The following MTSS1 variants were observed in gnomAD, a reference collection of about 807,000 sequenced individuals.
The protein encoded by MTSS1 is protein MTSS 1.
Under a neutral mutation model 79.0 loss-of-function variants are expected in MTSS1, and 18 were observed. The ratio of observed to expected loss-of-function variants is 0.23; its 90% CI spans 0.16 to 0.34. MTSS1 has a LOEUF of 0.34. Among genes scored for constraint, MTSS1 ranks in the 10% least tolerant of loss-of-function variants. The probability of loss-of-function intolerance (pLI) is 1.00; values close to 1 mark genes in which losing one functional copy is unlikely to be tolerated. For missense variants in MTSS1, 815 were observed against 986.2 expected (o/e 0.83, Z 2.33); for synonymous variants, 341 against 368.6 (o/e 0.93, Z 0.86).
chr8:124,616,449 T>C (rs1446090570), intron 3 of MTSS1, among the ~76,000 whole-genome samples: 1 of 150,418 alleles, frequency 6.6e-6, no homozygotes, highest in Non-Finnish European at 1.5e-5. Context: ...TGTTCCGACA[T>C]CCTGCCCATG....
chr8:124,717,178 G>A lies in MTSS1; in HGVS notation c.72+10706C>T, dbSNP rs114974574. On this transcript the variant is annotated intron_variant, in intron 1 of 13. Transcript: ENST00000518547. ...TAACGCCACCTCCTCTGCGAGGCCC[G>A]CCCCTAACCACTCTACTTAAAAACA... is the stretch of plus-strand genomic sequence containing the variant. 4.2e-3 allele frequency among the ~76,000 whole-genome samples: 644 copies of A among 152,094 alleles called. 4 individuals are homozygous for A. Among genetic ancestry groups the A allele is most frequent in the African/African-American group, 0.014 (587 of 41,496 alleles).
chr8:124,573,616 C>T (rs1335157793), intron 6 of MTSS1, among the ~76,000 whole-genome samples: 2 of 152,234 alleles, frequency 1.3e-5, no homozygotes, highest in Non-Finnish European at 2.9e-5. Context: ...CAAGTTTGCT[C>T]ACTGGCCTCA....
At chr8:124,580,655 G>A in intron 6 of MTSS1, 2 of 1,437,136 alleles carry the variant, frequency 1.4e-6, no homozygotes, top group Non-Finnish European at 1.9e-6. Flanking sequence ...AGCAGCAGCA[G>A]TCTTACCTTT....
At chr8:124,578,155 G>C in intron 6 of MTSS1, among the ~76,000 whole-genome samples, 1 of 152,274 alleles carries the variant, frequency 6.6e-6, no homozygotes, top group East Asian at 1.9e-4. Context: ...AGGTCAGTGT[G>C]GGGTGGGGAG....
At chr8:124,557,372 C>T (rs990208669) in intron 11 of MTSS1, among the ~76,000 whole-genome samples, 7 of 152,334 alleles carry the variant, frequency 4.6e-5, no homozygotes, top group African/African-American at 1.7e-4. Flanking sequence ...TGATGCAAAA[C>T]TGGGCCTTTG....
At chr8:124,556,041 G>A (rs1160936296) in intron 12 of MTSS1, 137 bp from the exon 13 acceptor site, 2 of 1,540,822 alleles carry the variant, frequency 1.3e-6, no homozygotes, top group African/African-American at 2.7e-5. Flanking sequence ...TCTGACCCTA[G>A]AAAGTTCTGC....
In MTSS1 at chr8:124,553,478, G is replaced by C; in HGVS notation, c.1782C>G (p.Ser594=). Residue 594 remains serine, a synonymous_variant, in exon 14 of 14, where the codon TCC becomes TCG. Coordinates refer to ENST00000518547, the MANE Select transcript of MTSS1 (RefSeq NM_014751.6). The surrounding 1 kb of genome is among the most constrained non-coding windows in gnomAD (Gnocchi z 6.0). ...TTCCCCGGCGGACAGAAGGCTTGGT[G>C]GAAGGGGTCCGTCGGATAGTTGCAA... The part of the protein sequence containing the change: ...PGVATIRRTP[S]TKPSVRRGTI... The C allele has an allele frequency of 6.2e-7, 1 of 1,611,080 alleles. No homozygotes were observed. Among genetic ancestry groups the C allele is most frequent in the Non-Finnish European group, 8.5e-7 (1 of 1,177,684 alleles).
intron 3 of MTSS1, among the ~76,000 whole-genome samples, chr8:124,628,739 CT>C (rs1341021619): frequency 6.6e-6 from 1 of 152,184 alleles, no homozygotes; most frequent in African/African-American, 2.4e-5. Context: ...CAAGAAGTAC[CT>C]TGTGTAATTT....
At chr8:124,598,526 C>G (rs903673045) in intron 3 of MTSS1, among the ~76,000 whole-genome samples, 1 of 152,150 alleles carries the variant, frequency 6.6e-6, no homozygotes, top group Non-Finnish European at 1.5e-5. Context: ...GGGAAGCCAC[C>G]TGACATGCTC....
intron 2 of MTSS1, among the ~76,000 whole-genome samples, chr8:124,702,718 A>AT (rs1829877719): frequency 6.6e-6 from 1 of 152,108 alleles, no homozygotes; most frequent in Admixed American, 6.5e-5. Flanking sequence ...TTTATCCTGG[A>AT]AAACCCCTGC....
intron 3 of MTSS1, among the ~76,000 whole-genome samples, chr8:124,677,784 C>G (rs1390481892): frequency 1.3e-5 from 2 of 152,146 alleles, no homozygotes; most frequent in Non-Finnish European, 2.9e-5. Context: ...AAAATACCTA[C>G]CCCTGTTCTG....
At chr8:124,716,985 G>A (rs1203892216) in intron 1 of MTSS1, among the ~76,000 whole-genome samples, 1 of 150,106 alleles carries the variant, frequency 6.7e-6, no homozygotes, top group South Asian at 2.1e-4. Context: ...ACTTGTTGTA[G>A]GGTTGCTTAT....
At chr8:124,620,498 A>G (rs1813288247) in intron 3 of MTSS1, among the ~76,000 whole-genome samples, 1 of 152,094 alleles carries the variant, frequency 6.6e-6, no homozygotes, top group South Asian at 2.1e-4. Flanking sequence ...TGCATTGGAC[A>G]CTCCAAATAT....
At chr8:124,694,619 A>G (rs937987956) in intron 3 of MTSS1, among the ~76,000 whole-genome samples, 5 of 152,124 alleles carry the variant, frequency 3.3e-5, no homozygotes, top group Non-Finnish European at 5.9e-5. Context: ...TTCTCACCAC[A>G]GCCTATGTGG....
chr8:124,699,470 G>T, intron 3 of MTSS1, 56 bp downstream of exon 3: 6 of 1,503,028 alleles, frequency 4.0e-6, no homozygotes, highest in Non-Finnish European at 5.6e-6. Flanking sequence ...CACCCAAGGG[G>T]AAGAGTCCAC....
At chr8:124,630,504 G>A (rs926300676) in intron 3 of MTSS1, among the ~76,000 whole-genome samples, 7 of 152,230 alleles carry the variant, frequency 4.6e-5, no homozygotes, top group African/African-American at 1.7e-4. Flanking sequence ...TGGAGCCCCA[G>A]CACTGCCTGA....
Position 124,582,425 on chromosome 8 carries a change from C to T in MTSS1, c.460+2662G>A, listed in dbSNP as rs1157913221. On this transcript the variant is annotated intron_variant, in intron 6 of 13. Transcript: ENST00000518547. The surrounding 1 kb of genome is among the most constrained non-coding windows in gnomAD (Gnocchi z 4.8). Reference sequence around the variant, plus strand: ...AATCACATCCGTGTGTGTCTGCCCACGTCAAGGATGGTGGTAAAACCATGC... The same window carrying T: ...AATCACATCCGTGTGTGTCTGCCCATGTCAAGGATGGTGGTAAAACCATGC... Among the ~76,000 whole-genome samples, 8 of 152,088 alleles carry T rather than the reference C, an allele frequency of 5.3e-5. No homozygotes were observed. Among genetic ancestry groups the T allele is most frequent in the African/African-American group, 1.7e-4 (7 of 41,424 alleles).
intron 9 of MTSS1, 91 bp from the exon 10 acceptor site, chr8:124,563,083 G>A (rs1825691584): frequency 3.8e-6 from 4 of 1,066,420 alleles, no homozygotes; most frequent in East Asian, 2.6e-5. Context: ...GGGAACAGAT[G>A]AGGCAGAAGA....
intron 3 of MTSS1, among the ~76,000 whole-genome samples, chr8:124,625,965 T>C (rs988955152): frequency 1.1e-4 from 16 of 152,088 alleles, no homozygotes; most frequent in African/African-American, 3.9e-4. Context: ...GGCTGTGACT[T>C]TAGTTTAAGC....
Sources: allele counts gnomAD v4.1 joint callset (sites outside exome capture counted in the v4.1 genomes callset), GRCh38; gene constraint gnomAD v4.1.1; non-coding constraint Gnocchi (gnomAD v3.1); transcripts MANE v1.5; gene names NCBI Gene and HGNC (gene_info 2026-07-23, HGNC 2026-07-21).